Variants in EXOC4 observed in about 807,000 individuals in gnomAD.
The protein encoded by EXOC4 is exocyst complex component 4.
A neutral mutation model predicts 107.2 loss-of-function variants in EXOC4; 71 were observed. The ratio of observed to expected loss-of-function variants is 0.66; its 90% confidence interval spans 0.55 to 0.81. The LOEUF (loss-of-function observed/expected upper bound fraction) is 0.81. Ranked by LOEUF, EXOC4 falls within the 30% of genes least tolerant of loss-of-function variation. The pLI, the probability that EXOC4 is intolerant of heterozygous loss-of-function variation, is 0.00. For missense variants in EXOC4, 1,108 were observed against 1,189.6 expected, an observed-to-expected ratio of 0.93 and a Z score of 1.01; for synonymous variants, 456 against 441.2, an observed-to-expected ratio of 1.03 and a Z score of -0.42.
At chr7:133,390,529 G>A (rs1229903979) in intron 7 of EXOC4, among the ~76,000 whole-genome samples, 1 of 152,118 alleles carries the variant, frequency 6.6e-6, no homozygotes, top group Non-Finnish European at 1.5e-5. Flanking sequence ...AGTGGGCGGG[G>A]CCAGCTATAG....
At chr7:134,026,850 AC>A (rs1795148487) in intron 17 of EXOC4, among the ~76,000 whole-genome samples, 1 of 152,186 alleles carries the variant, frequency 6.6e-6, no homozygotes, top group Non-Finnish European at 1.5e-5. Context: ...TTCTTAAAAA[AC>A]AAATGGTGTT....
intron 2 of EXOC4, 89 bp from the exon 3 acceptor site, chr7:133,288,833 A>G (rs1157406743): frequency 8.6e-6 from 9 of 1,047,732 alleles, no homozygotes; most frequent in East Asian, 2.4e-5. Flanking sequence ...TGCTGCATAC[A>G]GTAGTACCAG....
At chr7:133,530,304 C>G (rs1800157818) in intron 9 of EXOC4, among the ~76,000 whole-genome samples, 1 of 152,150 alleles carries the variant, frequency 6.6e-6, no homozygotes, top group African/African-American at 2.4e-5. Flanking sequence ...ATGATGGAGA[C>G]ACACTCCCAG....
chr7:133,507,644 C>T (rs894461766), intron 9 of EXOC4, among the ~76,000 whole-genome samples: 1 of 152,166 alleles, frequency 6.6e-6, no homozygotes. Flanking sequence ...ATGAGAATCA[C>T]TCCTATGTTG....
In EXOC4 at chr7:133,567,572, G is replaced by T. The variant is rs10271335; in HGVS notation, c.1418-62473G>T. 9.5e-4 allele frequency among the ~76,000 whole-genome samples: 144 copies of T among 152,216 alleles called. 1 individual carries two copies. Among genetic ancestry groups the T allele is most frequent in the African/African-American group, 3.3e-3 (135 of 41,530 alleles). On this transcript the variant is annotated intron_variant, in intron 9 of 17. Coordinates refer to ENST00000253861, the MANE Select transcript of EXOC4 (RefSeq NM_021807.4). The stretch of plus-strand genomic sequence containing the variant: ...GCAGGCCAAACCGTTATATTCCAGG[G>T]TTTGTGCATTTGTAGTTTTGATGGA...
At chr7:133,878,787 G>A (rs892586006) in intron 11 of EXOC4, among the ~76,000 whole-genome samples, 4 of 152,072 alleles carry the variant, frequency 2.6e-5, no homozygotes, top group South Asian at 2.1e-4. Flanking sequence ...GCAGTGGCGC[G>A]ATCTTGGCTC....
intron 12 of EXOC4, among the ~76,000 whole-genome samples, chr7:133,907,358 GT>G (rs1289186333): frequency 3.5e-5 from 5 of 141,978 alleles, no homozygotes; most frequent in African/African-American, 1.1e-4. Context: ...TTAGTTATTG[GT>G]TTAACTGTCT....
chr7:133,911,756 G>A (rs1799700869), intron 12 of EXOC4, among the ~76,000 whole-genome samples: 1 of 152,130 alleles, frequency 6.6e-6, no homozygotes, highest in Non-Finnish European at 1.5e-5. Context: ...TGAACCTGAG[G>A]GCAGATATGG....
At chr7:133,253,547 C>T in intron 1 of EXOC4, 1 of 1,002,612 alleles carries the variant, frequency 1.0e-6, no homozygotes, top group Non-Finnish European at 1.2e-6. Context: ...TAGCAGCACT[C>T]ACTGAGAAAG....
At chr7:133,312,232 T>C (rs951879194) in intron 4 of EXOC4, among the ~76,000 whole-genome samples, 3 of 152,200 alleles carry the variant, frequency 2.0e-5, no homozygotes, top group South Asian at 2.1e-4. Context: ...TATGTGCTGA[T>C]ATAGAAAGGT....
chr7:133,335,017 T>C (rs1448386754), intron 5 of EXOC4, among the ~76,000 whole-genome samples: 4 of 152,198 alleles, frequency 2.6e-5, no homozygotes, highest in Admixed American at 2.0e-4. Flanking sequence ...TTGTAACCAC[T>C]CTCTTTTGTG....
chr7:133,660,934 A>G (rs896310323), intron 10 of EXOC4, among the ~76,000 whole-genome samples: 2 of 152,160 alleles, frequency 1.3e-5, no homozygotes, highest in Non-Finnish European at 2.9e-5. Flanking sequence ...CATAACAGTC[A>G]TTTGATATTT....
rs963441244 is a variant in EXOC4 at position 133,788,597 on chromosome 7, A to G, written c.1515-28728A>G. Among the ~76,000 whole-genome samples the G allele has an allele frequency of 8.5e-5, 13 of 152,078 alleles. No individual in the cohort carries two copies. The East Asian group carries it at 1.9e-3, about 23-fold the overall frequency. ...AACCTCCACCTCCCGGGTTCAAGCA[A>G]TTCTCCTGCCTCAGCCTCCCTAGTA... On this transcript the variant is annotated intron_variant, in intron 10 of 17. Transcript: ENST00000253861.
At chr7:133,580,911 A>G (rs1022469508) in intron 9 of EXOC4, among the ~76,000 whole-genome samples, 4 of 152,232 alleles carry the variant, frequency 2.6e-5, no homozygotes, top group African/African-American at 9.6e-5. Context: ...TAGGTGTTCA[A>G]TATAGGTATG....
chr7:133,331,615 G>A (rs577016856), intron 5 of EXOC4, among the ~76,000 whole-genome samples: 284 of 151,990 alleles, frequency 1.9e-3, no homozygotes, highest in Middle Eastern at 3.4e-3. Context: ...ACAGGCGCCC[G>A]CCACCTCGCC....
chr7:133,943,139 C>T (rs1324229194), intron 14 of EXOC4, among the ~76,000 whole-genome samples: 1 of 152,136 alleles, frequency 6.6e-6, no homozygotes, highest in African/African-American at 2.4e-5. Flanking sequence ...AGAACACTTT[C>T]GTCATCACAG....
intron 17 of EXOC4, among the ~76,000 whole-genome samples, chr7:134,041,722 A>G (rs1283915224): frequency 6.6e-6 from 1 of 152,212 alleles, no homozygotes; most frequent in East Asian, 1.9e-4. Flanking sequence ...ATAAAGTTCC[A>G]TTTGGAAAAT....
chr7:133,357,233 T>A (rs190301834), intron 6 of EXOC4, among the ~76,000 whole-genome samples: 1 of 152,356 alleles, frequency 6.6e-6, no homozygotes, highest in East Asian at 1.9e-4. Flanking sequence ...TTTATGTATA[T>A]TATCTCACTT....
intron 1 of EXOC4, among the ~76,000 whole-genome samples, chr7:133,274,582 T>C (rs1391142131): frequency 1.3e-5 from 2 of 152,200 alleles, no homozygotes; most frequent in African/African-American, 2.4e-5. Context: ...CACCTTTTCT[T>C]GTTACTATTC....
Sources: allele counts gnomAD v4.1 joint callset (sites outside exome capture counted in the v4.1 genomes callset), GRCh38; gene constraint gnomAD v4.1.1; transcripts MANE v1.5; gene names NCBI Gene and HGNC (gene_info 2026-07-23, HGNC 2026-07-21).